Variants in ATF7 observed in about 807,000 individuals in gnomAD.
The protein encoded by ATF7 is activating transcription factor 7.
Under a neutral mutation model 50.4 loss-of-function variants are expected in ATF7, and 10 were observed. The ratio of observed to expected loss-of-function variants is 0.20; its 90% CI spans 0.12 to 0.34. ATF7 has a LOEUF of 0.34. Among genes scored for constraint, ATF7 ranks in the 10% least tolerant of loss-of-function variants. ATF7 has a pLI of 1.00. For missense variants in ATF7, 465 were observed against 613.9 expected (o/e 0.76, Z 2.56); for synonymous variants, 201 against 226.4 (o/e 0.89, Z 1.01).
At position 53,532,580 on chromosome 12, in the gene ATF7, G is replaced by A. The variant is rs1254501724; in HGVS notation, c.704C>T (p.Pro235Leu). ...GCCACTACTGTTAACTGGTGGGCCA[G>A]GGATACCAGGAATGTTGGGCACCAT... is the stretch of plus-strand genomic sequence containing the variant. ...VSMVPNIPGI[P>L]GPPVNSSGSI... Residue 235 changes from proline to leucine, a missense_variant, in exon 8 of 12, where the codon CCT becomes CTT. By Grantham distance (98) the Pro-to-Leu change is moderately conservative. Transcript: ENST00000420353. 1.2e-6 allele frequency: 2 copies of A among 1,609,952 alleles called. No individual in the cohort carries two copies. The highest frequency in any genetic ancestry group is 1.7e-6 in the Non-Finnish European group (2 of 1,178,362).
chr12:53,520,878 T>C (rs1183636293), intron 11 of ATF7, among the ~76,000 whole-genome samples: 1 of 152,148 alleles, frequency 6.6e-6, no homozygotes, highest in Non-Finnish European at 1.5e-5. Flanking sequence ...TTCAGCCTGC[T>C]CTCGTCACTT....
chr12:53,518,821 G>C (rs183285857), intron 11 of ATF7, among the ~76,000 whole-genome samples: 1 of 151,852 alleles, frequency 6.6e-6, no homozygotes, highest in African/African-American at 2.4e-5. Context: ...CAAGCTGGGC[G>C]GATCAGGAGG....
intron 2 of ATF7, among the ~76,000 whole-genome samples, chr12:53,586,808 C>T (rs1194484990): frequency 1.3e-5 from 2 of 152,196 alleles, no homozygotes; most frequent in Non-Finnish European, 2.9e-5. Flanking sequence ...TACACACACA[C>T]ACGCACACAC....
intron 5 of ATF7, among the ~76,000 whole-genome samples, chr12:53,536,496 T>C (rs1939230275): frequency 6.6e-6 from 1 of 151,932 alleles, no homozygotes; most frequent in Non-Finnish European, 1.5e-5. Context: ...AGGCTGGTCT[T>C]GAACTCCTGG....
chr12:53,526,762 A>C (rs898438106), intron 9 of ATF7, among the ~76,000 whole-genome samples: 22 of 152,080 alleles, frequency 1.4e-4, no homozygotes, highest in African/African-American at 2.4e-5. Flanking sequence ...GAGATAGAAG[A>C]ATTGCTTGAA....
At chr12:53,596,279 G>A (rs1317191197) in intron 2 of ATF7, among the ~76,000 whole-genome samples, 2 of 152,092 alleles carry the variant, frequency 1.3e-5, no homozygotes, top group Non-Finnish European at 1.5e-5. Flanking sequence ...TAGCCTGGGC[G>A]ATAAGAGCGA....
At chr12:53,602,333 G>A (rs913839021) in intron 1 of ATF7, among the ~76,000 whole-genome samples, 4 of 152,142 alleles carry the variant, frequency 2.6e-5, no homozygotes, top group African/African-American at 7.2e-5. Context: ...TCAGGCTCGC[G>A]TTGAAATAAA....
intron 7 of ATF7, among the ~76,000 whole-genome samples, chr12:53,532,839 G>A (rs1938988873): frequency 6.6e-6 from 1 of 152,184 alleles, no homozygotes; most frequent in African/African-American, 2.4e-5. Flanking sequence ...GGCAATTTCT[G>A]TGGGAAGGGT....
chr12:53,608,229 A>T (rs1296937666), intron 1 of ATF7, among the ~76,000 whole-genome samples: 1 of 151,636 alleles, frequency 6.6e-6, no homozygotes, highest in African/African-American at 2.4e-5. Flanking sequence ...AAAAAAAAAA[A>T]AAAAAAAAGA....
intron 2 of ATF7, among the ~76,000 whole-genome samples, chr12:53,553,019 C>T (rs1233021220): frequency 6.6e-6 from 1 of 152,000 alleles, no homozygotes; most frequent in Non-Finnish European, 1.5e-5. Flanking sequence ...CACTAGTTGG[C>T]CATCACAAAA....
rs1944183644 is a variant in ATF7, at chr12:53,513,241, C to T, written c.*3896G>A. 1 of 152,244 alleles carries T rather than the reference C, an allele frequency of 6.6e-6. No homozygotes were observed. Among genetic ancestry groups the T allele is most frequent in the Admixed American group, 6.5e-5 (1 of 15,276 alleles). 9.4% of individuals were successfully genotyped at this position (152,244 alleles called of 1,614,324 possible). A position where few individuals can be genotyped will look rare whatever the true frequency, so the allele number is the denominator to read the frequency against. On this transcript the variant is annotated 3_prime_UTR_variant, in exon 12 of 12. Coordinates refer to ENST00000420353, the MANE Select transcript of ATF7 (RefSeq NM_006856.3). ...GACTTTACCCCAAAGAGAGACAACA[C>T]AGCTGATGCAGACGGTGGTAATGGT...
At chr12:53,546,328 T>C (rs973331356) in intron 3 of ATF7, among the ~76,000 whole-genome samples, 3 of 152,120 alleles carry the variant, frequency 2.0e-5, no homozygotes, top group Admixed American at 1.3e-4. Context: ...TGAGCCAAGA[T>C]TGTGCCACTG....
At chr12:53,603,154 A>G (rs777195120) in intron 1 of ATF7, among the ~76,000 whole-genome samples, 5 of 152,194 alleles carry the variant, frequency 3.3e-5, no homozygotes, top group African/African-American at 1.2e-4. Context: ...TTTGATGCTA[A>G]ATTTTCTCAT....
At chr12:53,587,839 ATATAT>A (rs1285213675) in intron 2 of ATF7, among the ~76,000 whole-genome samples, 59 of 62,994 alleles carry the variant, frequency 9.4e-4, no homozygotes, top group African/African-American at 1.6e-3. Flanking sequence ...ATATATATAT[ATATAT>A]TTTTTTTTTT....
chr12:53,572,586 G>A (rs1383129728), intron 2 of ATF7, among the ~76,000 whole-genome samples: 1 of 152,144 alleles, frequency 6.6e-6, no homozygotes, highest in African/African-American at 2.4e-5. Flanking sequence ...AAGTACAGTA[G>A]CCTCCCCTTA....
intron 1 of ATF7, among the ~76,000 whole-genome samples, chr12:53,602,002 A>G (rs1416546274): frequency 6.6e-6 from 1 of 152,272 alleles, no homozygotes; most frequent in African/African-American, 2.4e-5. Context: ...GAAATTTCTC[A>G]TATTCCAACT....
At chr12:53,620,436 C>CGTAG (rs1164669330) in intron 1 of ATF7, among the ~76,000 whole-genome samples, 9 of 151,034 alleles carry the variant, frequency 6.0e-5, no homozygotes, top group Non-Finnish European at 1.2e-4. Context: ...ATTAGCCGGG[C>CGTAG]GTAGTGGCGG....
At chr12:53,588,949 TTTG>T (rs1222549215) in intron 2 of ATF7, among the ~76,000 whole-genome samples, 1 of 152,110 alleles carries the variant, frequency 6.6e-6, no homozygotes, top group African/African-American at 2.4e-5. Flanking sequence ...TTTTGTTTGC[TTTG>T]TTTTTTGCTC....
rs1940461195 is a variant in ATF7 at position 53,552,755 on chromosome 12, G to C, written c.49-118C>G. On this transcript the variant is annotated intron_variant, in intron 2 of 11. Transcript: ENST00000420353. ...AGATTGGTCCCTGGAAAGAAGAACT[G>C]GAGAGGGAGAAAAAACTGGAAGAGG... is the stretch of plus-strand genomic sequence containing the variant. 3 of 752,428 alleles carry C rather than the reference G, an allele frequency of 4.0e-6. No individual in the cohort carries two copies. The Admixed American group carries it at 7.0e-5, about 17-fold the overall frequency. The allele number at this position is 752,428 out of a possible 1,614,324, so 46.6% of individuals were successfully genotyped here.
Sources: allele counts gnomAD v4.1 joint callset (sites outside exome capture counted in the v4.1 genomes callset), GRCh38; gene constraint gnomAD v4.1.1; transcripts MANE v1.5; gene names NCBI Gene and HGNC (gene_info 2026-07-23, HGNC 2026-07-21).